Variants in ADGRB1 observed in about 807,000 individuals in gnomAD.
ADGRB1 encodes the protein adhesion G protein-coupled receptor B1.
Under a neutral mutation model 175.7 loss-of-function variants are expected in ADGRB1, and 36 were observed. That is an observed-to-expected ratio of 0.20 (90% confidence interval 0.16 to 0.27). ADGRB1 has a LOEUF of 0.27. Ranked by LOEUF, ADGRB1 falls within the 10% of genes least tolerant of loss-of-function variation. The pLI, the probability that ADGRB1 is intolerant of heterozygous loss-of-function variation, is 1.00. For synonymous variants in ADGRB1, 1,054 were observed against 979.4 expected (o/e 1.08, Z -1.42); for missense variants, 1,731 against 2,255.3 (o/e 0.77, Z 4.71).
In ADGRB1 at chr8:142,464,387, C is replaced by G; in HGVS notation, c.189C>G (p.Ala63=). The G allele has an allele frequency of 6.5e-7, 1 of 1,527,114 alleles. No individual in the cohort carries two copies. The highest frequency in any genetic ancestry group is 8.8e-7 in the Non-Finnish European group (1 of 1,140,854). 94.6% of individuals were successfully genotyped at this position (1,527,114 alleles called of 1,614,324 possible). The change falls in exon 2 of 31, where the codon GCC becomes GCG. Residue 63 remains alanine (A), a synonymous_variant. Transcript: ENST00000517894. ...TCTCCGCGGCCGCCGTGTTCCCGGC[C>G]AACGCCTCGCGCTGCTCCTGGACGC... ...GYFSAAAVFP[A]NASRCSWTLR...
intron 19 of ADGRB1, 75 bp downstream of exon 19, chr8:142,518,316 G>A: frequency 6.6e-7 from 1 of 1,509,894 alleles, no homozygotes; most frequent in East Asian, 2.3e-5. Flanking sequence ...GAAGGTCACG[G>A]GCGGGGTCGT....
intron 1 of ADGRB1, among the ~76,000 whole-genome samples, chr8:142,458,468 T>C (rs2131639947): frequency 6.6e-6 from 1 of 152,168 alleles, no homozygotes; most frequent in Middle Eastern, 3.4e-3. Context: ...GAGGGGTTCG[T>C]ATATCATCTC....
At position 142,474,919 on chromosome 8, in the gene ADGRB1, T is replaced by C. The variant is rs1036907740; in HGVS notation, c.785-555T>C. The stretch of plus-strand genomic sequence containing the variant: ...CGAGGCCCTGGTTGGACACCAGGTG[T>C]GAGGCCTTGATCACCACTGGTATAC... On this transcript the variant is annotated intron_variant, in intron 2 of 30. Coordinates refer to ENST00000517894, the MANE Select transcript of ADGRB1 (RefSeq NM_001702.3). This position sits in a 1 kb window ranked among gnomAD's most constrained non-coding sequence, Gnocchi z 5.8. 9.9e-5 allele frequency among the ~76,000 whole-genome samples: 15 copies of C among 152,240 alleles called. No individual in the cohort carries two copies. The highest frequency in any genetic ancestry group is 3.6e-4 in the African/African-American group (15 of 41,548).
At chr8:142,495,593 C>T (rs1788401549) in intron 17 of ADGRB1, among the ~76,000 whole-genome samples, 1 of 152,080 alleles carries the variant, frequency 6.6e-6, no homozygotes, top group Admixed American at 6.6e-5. Context: ...CTTCCAGCTT[C>T]TGGTGGCTCT....
intron 2 of ADGRB1, among the ~76,000 whole-genome samples, chr8:142,469,505 ATGTG>A (rs369516653): frequency 3.6e-4 from 36 of 100,512 alleles, no homozygotes; most frequent in African/African-American, 9.9e-4. Flanking sequence ...GCATGTGTGA[ATGTG>A]TGTGTATGCA....
intron 17 of ADGRB1, among the ~76,000 whole-genome samples, chr8:142,495,821 C>T (rs972969918): frequency 4.2e-4 from 63 of 151,250 alleles, no homozygotes; most frequent in African/African-American, 4.9e-5. Context: ...AAATCATATT[C>T]GTAGGTTCTG....
At chr8:142,489,923 A>G (rs1235626108) in intron 16 of ADGRB1, among the ~76,000 whole-genome samples, 4 of 152,162 alleles carry the variant, frequency 2.6e-5, no homozygotes, top group African/African-American at 9.7e-5. Context: ...CACGGCTGCT[A>G]TGTGAGCCCT....
intron 26 of ADGRB1, among the ~76,000 whole-genome samples, 184 bp from the exon 27 acceptor site, chr8:142,539,190 G>A (rs950211933): frequency 6.6e-6 from 1 of 152,040 alleles, no homozygotes; most frequent in Admixed American, 6.5e-5. Flanking sequence ...AGACACAAAC[G>A]CCCACCACAC....
chr8:142,531,605 C>T (rs1020004058), intron 24 of ADGRB1, among the ~76,000 whole-genome samples: 10 of 152,168 alleles, frequency 6.6e-5, no homozygotes, highest in Non-Finnish European at 1.2e-4. Flanking sequence ...GGGGCGGGTG[C>T]GTGGCCAGGG....
Position 142,476,628 on chromosome 8 carries a change from A to C in ADGRB1, c.990A>C (p.Thr330=). ...TSSRSQSLRS[T]DARRREELGD... ...CCCGGAGCCAGTCCCTGCGGTCCAC[A>C]GATGCCCGGCGGCGCGAGGAGCTGG... The change falls in exon 4 of 31, where the codon ACA becomes ACC. Residue 330 remains threonine, a synonymous_variant. Coordinates refer to ENST00000517894, the MANE Select transcript of ADGRB1 (RefSeq NM_001702.3). 1 of 1,548,752 alleles carries C rather than the reference A, an allele frequency of 6.5e-7. No homozygotes were observed. The highest frequency in any genetic ancestry group is 8.7e-7 in the Non-Finnish European group (1 of 1,146,320).
At chr8:142,488,337 C>G (rs772367976) in intron 13 of ADGRB1, 27 bp from the exon 14 acceptor site, 1 of 1,611,842 alleles carries the variant, frequency 6.2e-7, no homozygotes, top group Non-Finnish European at 8.5e-7. Flanking sequence ...TCCTCTCTGT[C>G]TCTCCCGCCT....
At chr8:142,469,426 C>CGTGTGAATGAGT (rs1840484721) in intron 2 of ADGRB1, among the ~76,000 whole-genome samples, 1 of 127,564 alleles carries the variant, frequency 7.8e-6, no homozygotes, top group African/African-American at 3.1e-5. Flanking sequence ...AGTGTGTGCA[C>CGTGTGAATGAGT]GTGTGAATGA....
intron 1 of ADGRB1, among the ~76,000 whole-genome samples, chr8:142,454,351 C>T (rs941894250): frequency 1.3e-5 from 2 of 152,308 alleles, no homozygotes; most frequent in East Asian, 1.9e-4. Context: ...GCAAGAAACA[C>T]GGAACACCAG....
intron 17 of ADGRB1, among the ~76,000 whole-genome samples, chr8:142,509,296 AC>A (rs1842967740): frequency 6.6e-6 from 1 of 152,080 alleles, no homozygotes; most frequent in Non-Finnish European, 1.5e-5. Flanking sequence ...CCCTCTGGAC[AC>A]CCCCACCCCC....
In ADGRB1 at chr8:142,516,290, TGGGCCCCAGGTGCATGCGTGTGTGC is replaced by T. The variant is rs1563731147; in HGVS notation, c.2818-1809_2818-1785del. 9.8e-3 allele frequency among the ~76,000 whole-genome samples: 1,184 copies of T among 120,690 alleles called. 30 individuals carry two copies. The highest frequency in any genetic ancestry group is 0.035 in the Admixed American group (422 of 12,004). 79.2% of individuals were successfully genotyped at this position (120,690 alleles called of 152,430 possible). A position where few individuals can be genotyped will look rare whatever the true frequency, so the allele number is the denominator to read the frequency against. On this transcript the variant is annotated intron_variant, in intron 18 of 30. Transcript: ENST00000517894. ...TGTGCGGGCCCCAGTTGCGTGTGTG[TGGGCCCCAGGTGCATGCGTGTGTGC>T]GGGCCCCAGGTGCATGCGTGTGTGC...
chr8:142,521,038 G>A (rs1250575873), intron 20 of ADGRB1, 113 bp downstream of exon 20: 1 of 1,026,218 alleles, frequency 9.7e-7, no homozygotes, highest in African/African-American at 1.6e-5. Flanking sequence ...AGGCGGGTGT[G>A]GGGGCAGGAG....
At chr8:142,459,786 A>G (rs1281215539) in intron 1 of ADGRB1, among the ~76,000 whole-genome samples, 2 of 152,194 alleles carry the variant, frequency 1.3e-5, no homozygotes, top group Non-Finnish European at 2.9e-5. Flanking sequence ...ACATCTCAGC[A>G]GAGGCCACCA....
Position 142,540,607 on chromosome 8 carries a change from C to T in ADGRB1, c.3706+1194C>T, listed in dbSNP as rs62513305. ...CTTTTATTGTGCCCCAAGGTGGGTA[C>T]ATGCGAGGGAGGCACATAGACCCCT... is the stretch of plus-strand genomic sequence containing the variant. On this transcript the variant is annotated intron_variant, in intron 27 of 30. Coordinates refer to ENST00000517894, the MANE Select transcript of ADGRB1 (RefSeq NM_001702.3). Among the ~76,000 whole-genome samples the T allele has an allele frequency of 6.2e-3, 949 of 152,284 alleles. 7 individuals are homozygous for T. Among genetic ancestry groups the T allele is most frequent in the Non-Finnish European group, 0.01 (703 of 68,020 alleles).
At position 142,455,210 on chromosome 8, in the gene ADGRB1, C is replaced by T. The variant is rs1380519793; in HGVS notation, c.-220+5106C>T. ...TCCTATCTGACCCCACCTCCATCCC[C>T]AACACCAAAGCCAACAAACACCTTC... On this transcript the variant is annotated intron_variant, in intron 1 of 30. Transcript: ENST00000517894. This position sits in a 1 kb window ranked among gnomAD's most constrained non-coding sequence, Gnocchi z 4.9. Among the ~76,000 whole-genome samples, 1 of 151,692 alleles carries T rather than the reference C, an allele frequency of 6.6e-6. No homozygotes were observed. The highest frequency in any genetic ancestry group is 1.5e-5 in the Non-Finnish European group (1 of 67,922).
Sources: gnomAD v4.1 joint callset for allele counts (sites outside exome capture counted in the v4.1 genomes callset) on GRCh38, gnomAD v4.1.1 for gene constraint, Gnocchi (gnomAD v3.1) non-coding constraint, MANE v1.5 for transcripts, NCBI Gene and HGNC (gene_info 2026-07-23, HGNC 2026-07-21) for gene names.